Variants in PRKCQ observed in about 807,000 individuals in gnomAD.
The protein encoded by PRKCQ is protein kinase C theta, also known as protein kinase C theta type.
Under a neutral mutation model 91.2 loss-of-function variants are expected in PRKCQ, and 41 were observed. The observed-to-expected ratio is 0.45, with a 90% CI of 0.35 to 0.58. The LOEUF (loss-of-function observed/expected upper bound fraction) is 0.58. Ranked by LOEUF, PRKCQ falls within the 20% of genes least tolerant of loss-of-function variation. The pLI is 0.00. For missense variants in PRKCQ, 673 were observed against 896.5 expected, an observed-to-expected ratio of 0.75 and a Z score of 3.18; for synonymous variants, 307 against 316.9, an observed-to-expected ratio of 0.97 and a Z score of 0.33.
At chr10:6,396,080 G>T in the PRKCQ span, among the ~76,000 whole-genome samples, 1 of 152,082 alleles carries the variant, frequency 6.6e-6, no homozygotes, top group African/African-American at 2.4e-5. Context: ...GATCGATAAT[G>T]ATATCATCTC....
chr10:6,494,904 C>G lies in PRKCQ; in HGVS notation c.660+2131G>C, dbSNP rs546493163. 2.6e-5 allele frequency among the ~76,000 whole-genome samples: 4 copies of G among 152,352 alleles called. No individual in the cohort carries two copies. The South Asian group carries it at 8.3e-4, about 32-fold the overall frequency. The stretch of plus-strand genomic sequence containing the variant: ...TTGGATGTCCACCTCTCCGACTCAA[C>G]ATGTCCAAACTGGAAAAATTCATCT... On this transcript the variant is annotated intron_variant, in intron 7 of 17. Transcript: ENST00000263125.
chr10:6,480,660 G>A (rs1836547083), intron 11 of PRKCQ, among the ~76,000 whole-genome samples: 1 of 152,240 alleles, frequency 6.6e-6, no homozygotes, highest in South Asian at 2.1e-4. Context: ...CAGGTAAGAT[G>A]AGACCTGGGA....
At chr10:6,464,653 A>G (rs984955085) in intron 12 of PRKCQ, among the ~76,000 whole-genome samples, 39 of 152,088 alleles carry the variant, frequency 2.6e-4, no homozygotes, top group Non-Finnish European at 2.6e-4. Context: ...TCGCCATGTT[A>G]GCCAGGCTGG....
At chr10:6,395,316 G>A in the PRKCQ span, among the ~76,000 whole-genome samples, 2 of 147,290 alleles carry the variant, frequency 1.4e-5, no homozygotes, top group African/African-American at 2.4e-5. Flanking sequence ...CGCTCACCTC[G>A]GTCTCCCAAA....
chr10:6,526,052 C>T (rs955181621), intron 1 of PRKCQ, among the ~76,000 whole-genome samples: 1 of 152,170 alleles, frequency 6.6e-6, no homozygotes, highest in African/African-American at 2.4e-5. Flanking sequence ...ACAGATTAAA[C>T]GAGTTAATAT....
At chr10:6,508,139 G>A (rs1838291590) in intron 3 of PRKCQ, among the ~76,000 whole-genome samples, 1 of 152,154 alleles carries the variant, frequency 6.6e-6, no homozygotes, top group Non-Finnish European at 1.5e-5. Context: ...ATGTAGAAGA[G>A]GGCGGAACAA....
At chr10:6,450,778 A>G (rs1183453539) in intron 15 of PRKCQ, among the ~76,000 whole-genome samples, 2 of 152,182 alleles carry the variant, frequency 1.3e-5, no homozygotes, top group African/African-American at 2.4e-5. Context: ...AAACTCACTC[A>G]AAACTGCTCA....
downstream of PRKCQ, among the ~76,000 whole-genome samples, chr10:6,424,221 C>CCATGACCTTTCCGGTGACATTAGA: frequency 6.6e-6 from 1 of 152,152 alleles, no homozygotes; most frequent in Non-Finnish European, 1.5e-5. Context: ...CTCAGAGGTC[C>CCATGACCTTTCCGGTGACATTAGA]CATGACCTTT....
chr10:6,555,751 T>C (rs1362036776), intron 1 of PRKCQ, among the ~76,000 whole-genome samples: 2 of 152,272 alleles, frequency 1.3e-5, no homozygotes, highest in South Asian at 4.1e-4. Context: ...AGCTCACATC[T>C]GTAATCCCAG....
the PRKCQ span, among the ~76,000 whole-genome samples, chr10:6,413,250 C>A: frequency 5.5e-4 from 84 of 152,280 alleles, no homozygotes; most frequent in African/African-American, 1.9e-3. Context: ...CTCTGCCCGG[C>A]CTTAAACATC....
intron 4 of PRKCQ, among the ~76,000 whole-genome samples, chr10:6,505,519 TTTC>T (rs1838154832): frequency 1.2e-5 from 1 of 80,886 alleles, no homozygotes; most frequent in Non-Finnish European, 3.4e-5. Context: ...CTTCCTTCCT[TTTC>T]TTTCTTTCTT....
the PRKCQ span, among the ~76,000 whole-genome samples, chr10:6,415,419 T>C: frequency 3.5e-4 from 4 of 11,398 alleles, no homozygotes; most frequent in African/African-American, 6.1e-4. Context: ...TATATATATA[T>C]ATATATATAT....
At chr10:6,459,385 G>A (rs972803909) in intron 14 of PRKCQ, among the ~76,000 whole-genome samples, 3 of 152,072 alleles carry the variant, frequency 2.0e-5, no homozygotes, top group African/African-American at 7.2e-5. Flanking sequence ...ACTTCTCTAT[G>A]TTTAGTACCC....
intron 15 of PRKCQ, among the ~76,000 whole-genome samples, chr10:6,454,397 G>A (rs550143263): frequency 3.3e-5 from 5 of 152,214 alleles, no homozygotes; most frequent in East Asian, 3.9e-4. Context: ...AGATCTGGGC[G>A]GAGCTGGATC....
rs60713998 is a variant in PRKCQ at position 6,518,669 on chromosome 10, C to A, written c.-9-3525G>T. 9.5e-3 allele frequency among the ~76,000 whole-genome samples: 1,447 copies of A among 151,910 alleles called. 18 individuals are homozygous for A. The highest frequency in any genetic ancestry group is 0.033 in the African/African-American group (1,358 of 41,440). ...AAACCCCCTCTCTACAAAAATACAG[C>A]AATTAGCCAGGCATGGTGGGGGGCA... is the stretch of plus-strand genomic sequence containing the variant. On this transcript the variant is annotated intron_variant, in intron 1 of 17. Transcript: ENST00000263125.
chr10:6,447,299 C>T (rs7101262), intron 15 of PRKCQ, among the ~76,000 whole-genome samples: 51,473 of 150,450 alleles, frequency 0.34, 8,970 homozygotes, highest in East Asian at 0.48. Flanking sequence ...CCCAGCTACT[C>T]GGGAGGCTGA....
intron 1 of PRKCQ, among the ~76,000 whole-genome samples, chr10:6,579,309 T>TC (rs1841361066): frequency 6.6e-6 from 1 of 151,974 alleles, no homozygotes; most frequent in African/African-American, 2.4e-5. Flanking sequence ...TCCAGCCTAG[T>TC]CCCCCTCAGC....
chr10:6,483,835 T>C (rs1460951722), intron 10 of PRKCQ, among the ~76,000 whole-genome samples: 4 of 152,246 alleles, frequency 2.6e-5, no homozygotes, highest in African/African-American at 9.6e-5. Context: ...GGACTATGTC[T>C]CTTTCTTCAA....
intron 1 of PRKCQ, among the ~76,000 whole-genome samples, chr10:6,548,810 C>G (rs1176942205): frequency 6.6e-6 from 1 of 151,670 alleles, no homozygotes; most frequent in Non-Finnish European, 1.5e-5. Context: ...GTGCAGCACA[C>G]CAACATGGCA....
Sources: gnomAD v4.1 joint callset for allele counts (sites outside exome capture counted in the v4.1 genomes callset) on GRCh38, gnomAD v4.1.1 for gene constraint, MANE v1.5 for transcripts, NCBI Gene and HGNC (gene_info 2026-07-23, HGNC 2026-07-21) for gene names.